SLFN12: variants seen among roughly 807,000 people sequenced by gnomAD.
The protein encoded by SLFN12 is ribonuclease SLFN12.
A neutral mutation model predicts 29.1 loss-of-function variants in SLFN12; 25 were observed. That is an observed-to-expected ratio of 0.86 (90% CI 0.63 to 1.20). The LOEUF (loss-of-function observed/expected upper bound fraction) is 1.20. SLFN12 is among the 50% of genes most tolerant of loss of function. The pLI is 0.00. For missense variants in SLFN12, 660 were observed against 666.2 expected (o/e 0.99, Z 0.10); for synonymous variants, 257 against 238.7 (o/e 1.08, Z -0.71).
chr17:35,431,305 C>T (rs1026271137), intron 1 of SLFN12, among the ~76,000 whole-genome samples: 17 of 152,120 alleles, frequency 1.1e-4, no homozygotes, highest in African/African-American at 4.1e-4. Context: ...CTTCAAAGAA[C>T]GCTGAGGCCA....
chr17:35,429,052 C>T (rs1483498375), intron 1 of SLFN12, among the ~76,000 whole-genome samples: 2 of 152,150 alleles, frequency 1.3e-5, no homozygotes, highest in East Asian at 1.9e-4. Context: ...AGCCTCTGCT[C>T]TGCTCCCCGA....
At chr17:35,423,478 T>C (rs918557250) in intron 1 of SLFN12, among the ~76,000 whole-genome samples, 3 of 152,096 alleles carry the variant, frequency 2.0e-5, no homozygotes, top group African/African-American at 7.2e-5. Context: ...AGCTTTTACC[T>C]TAATTATCTC....
At chr17:35,424,215 T>A (rs1255764928) in intron 1 of SLFN12, among the ~76,000 whole-genome samples, 4 of 152,160 alleles carry the variant, frequency 2.6e-5, no homozygotes, top group African/African-American at 9.6e-5. Flanking sequence ...AGTTAAGAAG[T>A]GTGACTTAAG....
intron 1 of SLFN12, among the ~76,000 whole-genome samples, chr17:35,431,355 A>T (rs908817224): frequency 6.6e-6 from 1 of 152,182 alleles, no homozygotes; most frequent in Non-Finnish European, 1.5e-5. Context: ...AACCCGACAC[A>T]ACCCTGCTTA....
At chr17:35,413,239 A>G (rs1390269754) in intron 3 of SLFN12, among the ~76,000 whole-genome samples, 2 of 151,952 alleles carry the variant, frequency 1.3e-5, no homozygotes, top group Non-Finnish European at 2.9e-5. Context: ...TCACTCACAA[A>G]TACAAGAGTA....
chr17:35,412,484 T>G (rs1355470267), intron 3 of SLFN12, among the ~76,000 whole-genome samples: 1 of 152,050 alleles, frequency 6.6e-6, no homozygotes, highest in Non-Finnish European at 1.5e-5. Context: ...GGAGGGATCT[T>G]GGTAAACACC....
chr17:35,430,290 C>T (rs867222659), intron 1 of SLFN12, among the ~76,000 whole-genome samples: 1 of 152,002 alleles, frequency 6.6e-6, no homozygotes, highest in African/African-American at 2.4e-5. Context: ...CTATGTGTTT[C>T]CTTAAAGTCT....
At chr17:35,426,799 T>C (rs955782959) in intron 1 of SLFN12, among the ~76,000 whole-genome samples, 1 of 152,166 alleles carries the variant, frequency 6.6e-6, no homozygotes, top group African/African-American at 2.4e-5. Flanking sequence ...TCTCAGGTCT[T>C]TTCTGAGCAT....
chr17:35,432,829 C>G (rs1019774554), upstream of SLFN12: 6 of 152,020 alleles, frequency 3.9e-5, no homozygotes, highest in African/African-American at 1.4e-4. Flanking sequence ...TGCCCCACCT[C>G]CTCCCGAGCC....
chr17:35,422,170 A>T lies in SLFN12; in HGVS notation c.859T>A (p.Cys287Ser). The change falls in exon 2 of 4, where the codon TGC becomes AGC. Residue 287 changes from cysteine (C) to serine (S), a missense_variant. Cys to Ser is a moderately radical substitution (Grantham distance 112). Transcript: ENST00000304905. Reference protein sequence around the residue: ...CMEKKKINYSCKFLGVYDKGS... With the variant: ...CMEKKKINYSSKFLGVYDKGS... ...TTATCATATACTCCAAGGAATTTGC[A>T]TGAATAATTTATCTTCTTCTTCTCC... is the stretch of plus-strand genomic sequence containing the variant. 4 of 1,614,136 alleles carry T rather than the reference A, an allele frequency of 2.5e-6. No homozygotes were observed. Among genetic ancestry groups the T allele is most frequent in the Non-Finnish European group, 3.4e-6 (4 of 1,179,996 alleles).
At position 35,415,369 on chromosome 17, in the gene SLFN12, G is replaced by A. The variant is rs199828046; in HGVS notation, c.1148-3442C>T. On this transcript the variant is annotated intron_variant, in intron 3 of 3. Transcript: ENST00000304905. ...ACCTTATACAAAAACCAACCCAACA[G>A]GAATCAAAGACTTAAATCTAAGACC... Among the ~76,000 whole-genome samples the A allele has an allele frequency of 1.3e-4, 19 of 151,880 alleles. No individual in the cohort carries two copies. In the East Asian group the frequency reaches 3.7e-3, roughly 29 times the overall value.
intron 3 of SLFN12, among the ~76,000 whole-genome samples, chr17:35,412,952 A>T (rs1911108578): frequency 6.6e-6 from 1 of 152,052 alleles, no homozygotes; most frequent in South Asian, 2.1e-4. Context: ...TGAAAAATAC[A>T]GTAGGTGGTA....
chr17:35,429,121 C>T (rs1195344208), intron 1 of SLFN12, among the ~76,000 whole-genome samples: 2 of 152,116 alleles, frequency 1.3e-5, no homozygotes, highest in African/African-American at 4.8e-5. Flanking sequence ...GCCCACCTTT[C>T]TGCACTGTCT....
chr17:35,413,302 C>T (rs191211796), intron 3 of SLFN12, among the ~76,000 whole-genome samples: 5 of 152,052 alleles, frequency 3.3e-5, no homozygotes, highest in Non-Finnish European at 5.9e-5. Context: ...GAAATACTTC[C>T]AAACTCATTT....
chr17:35,429,031 C>T (rs1912164044), intron 1 of SLFN12, among the ~76,000 whole-genome samples: 1 of 152,088 alleles, frequency 6.6e-6, no homozygotes, highest in Non-Finnish European at 1.5e-5. Context: ...TCTGGTAATG[C>T]CTCACCAAGC....
chr17:35,420,301 A>T lies in SLFN12; in HGVS notation c.1120T>A (p.Trp374Arg). Reference protein sequence around the residue: ...PAPHSWPLLEWQRQRHHCPGL... With the variant: ...PAPHSWPLLERQRQRHHCPGL... ...GGACAGTGATGTCTCTGCCGTTGCCATTCCAAAAGAGGCCAACTGTGGGGA... is the reference window on the plus strand; with the variant it reads ...GGACAGTGATGTCTCTGCCGTTGCCTTTCCAAAAGAGGCCAACTGTGGGGA... The change falls in exon 3 of 4, where the codon TGG becomes AGG. Residue 374 changes from tryptophan (W) to arginine (R), a missense_variant. Physicochemically the swap from Trp to Arg is moderately radical, Grantham distance 101 (BLOSUM62 -3). Coordinates refer to ENST00000304905, the MANE Select transcript of SLFN12 (RefSeq NM_018042.5). 1 of 1,613,620 alleles carries T rather than the reference A, an allele frequency of 6.2e-7. No homozygotes were observed.
chr17:35,417,098 G>T (rs1213148106), intron 3 of SLFN12, among the ~76,000 whole-genome samples: 1 of 151,970 alleles, frequency 6.6e-6, no homozygotes, highest in Non-Finnish European at 1.5e-5. Context: ...ACTAGACAAA[G>T]AAAGAGAGAA....
At chr17:35,428,491 T>C (rs1159987274) in intron 1 of SLFN12, among the ~76,000 whole-genome samples, 2 of 152,098 alleles carry the variant, frequency 1.3e-5, no homozygotes, top group Admixed American at 6.6e-5. Context: ...GGATGTGGTC[T>C]AAAAGCTATT....
At chr17:35,414,832 G>A (rs1021531497) in intron 3 of SLFN12, among the ~76,000 whole-genome samples, 3 of 151,944 alleles carry the variant, frequency 2.0e-5, no homozygotes, top group African/African-American at 7.2e-5. Context: ...TCTCTACAAG[G>A]AAAACCACAA....
Sources: gnomAD v4.1 joint callset for allele counts (sites outside exome capture counted in the v4.1 genomes callset) on GRCh38, gnomAD v4.1.1 for gene constraint, MANE v1.5 for transcripts, NCBI Gene and HGNC (gene_info 2026-07-23, HGNC 2026-07-21) for gene names.